The following STT3B variants were observed in gnomAD, a reference collection of about 807,000 sequenced individuals.
STT3B encodes STT3 oligosaccharyltransferase complex catalytic subunit B, also known as dolichyl-diphosphooligosaccharide--protein glycosyltransferase subunit STT3B.
A neutral mutation model predicts 96.8 loss-of-function variants in STT3B; 29 were observed. The ratio of observed to expected loss-of-function variants is 0.30; its 90% CI spans 0.22 to 0.41. The LOEUF (loss-of-function observed/expected upper bound fraction) is 0.41, where lower values mean the gene tolerates loss of function less well. STT3B is among the 10% of genes least tolerant of loss of function. STT3B has a pLI of 1.00. For missense variants in STT3B, 640 were observed against 1,022.3 expected (o/e 0.63, Z 5.10); for synonymous variants, 367 against 360.0 (o/e 1.02, Z -0.22).
rs773854046 is a variant in STT3B at position 31,533,290 on chromosome 3, A to G, written c.292A>G (p.Ile98Val). 6 of 1,535,582 alleles carry G rather than the reference A, an allele frequency of 3.9e-6. No individual in the cohort carries two copies. In the Admixed American group the frequency reaches 1.2e-4, roughly 30 times the overall value. ...RLFAVIRFES[I>V]IHEFDPWFNY... The stretch of plus-strand genomic sequence containing the variant: ...CTTCGCCGTCATCCGCTTCGAAAGC[A>G]TCATCCACGAGTTCGACCCGTGGTA... The change falls in exon 1 of 16, where the codon ATC becomes GTC. Residue 98 changes from isoleucine (I) to valine (V), a missense_variant. Ile to Val is a conservative substitution (Grantham distance 29, BLOSUM62 3). Transcript: ENST00000295770.
At position 31,635,991 on chromosome 3, in the gene STT3B, A is replaced by G; in HGVS notation, c.2408A>G (p.Lys803Arg). 6.2e-7 allele frequency: 1 copy of G among 1,604,072 alleles called. No homozygotes were observed. Among genetic ancestry groups the G allele is most frequent in the Non-Finnish European group, 8.5e-7 (1 of 1,175,942 alleles). Reference sequence around the variant, plus strand: ...TGTTTTGTTTTTTTATAGACTACCAAAAGGAAGCGTGGCTACATTAAAAAT... The same window carrying G: ...TGTTTTGTTTTTTTATAGACTACCAGAAGGAAGCGTGGCTACATTAAAAAT... ...KQKYLSKKTT[K>R]RKRGYIKNKL... Residue 803 changes from lysine (K) to arginine (R), a missense_variant, in exon 16 of 16, where the codon AAA (lysine) becomes AGA (arginine). Physicochemically the swap from Lys to Arg is conservative, Grantham distance 26. Around this residue, in one of 8 missense-constraint regions of STT3B, gnomAD observed 51 missense variants for 64.2 expected, o/e 0.79. Coordinates refer to ENST00000295770, the MANE Select transcript of STT3B (RefSeq NM_178862.3).
chr3:31,543,146 AC>A (rs1208275740), intron 1 of STT3B, among the ~76,000 whole-genome samples: 1 of 151,696 alleles, frequency 6.6e-6, no homozygotes, highest in Non-Finnish European at 1.5e-5. Context: ...TCTGTGTCTT[AC>A]GTGAGAGGTC....
At chr3:31,567,556 T>TC (rs1368992230) in intron 1 of STT3B, among the ~76,000 whole-genome samples, 35 of 152,338 alleles carry the variant, frequency 2.3e-4, no homozygotes, top group African/African-American at 8.2e-4. Flanking sequence ...TAGGCATTTC[T>TC]AATTATTAAT....
chr3:31,546,655 GT>G (rs1424084788), intron 1 of STT3B, among the ~76,000 whole-genome samples: 1 of 152,162 alleles, frequency 6.6e-6, no homozygotes, highest in Non-Finnish European at 1.5e-5. Flanking sequence ...ACCACAATGT[GT>G]TTATCATTTT....
chr3:31,627,549 A>G (rs992679114), intron 13 of STT3B, among the ~76,000 whole-genome samples: 3 of 152,232 alleles, frequency 2.0e-5, no homozygotes, highest in African/African-American at 7.2e-5. Flanking sequence ...ATGAAGGCAC[A>G]AAAGATAAGA....
intron 4 of STT3B, among the ~76,000 whole-genome samples, chr3:31,597,923 C>A (rs1698830496): frequency 6.6e-6 from 1 of 150,706 alleles, no homozygotes; most frequent in Non-Finnish European, 1.5e-5. Context: ...GCAACCTCGG[C>A]CTCCTGGGTT....
At chr3:31,563,876 G>A (rs1697938644) in intron 1 of STT3B, among the ~76,000 whole-genome samples, 1 of 152,056 alleles carries the variant, frequency 6.6e-6, no homozygotes, top group African/African-American at 2.4e-5. Flanking sequence ...CGCGATCTTG[G>A]CTCACTGCAA....
intron 1 of STT3B, among the ~76,000 whole-genome samples, chr3:31,559,149 GTGTGTGTGT>G (rs1697798518): frequency 2.3e-4 from 6 of 26,650 alleles, no homozygotes; most frequent in Admixed American, 3.3e-4. Context: ...TTCTTGGGGT[GTGTGTGTGT>G]GTGTGTGTGT....
chr3:31,563,581 G>C (rs1374690964), intron 1 of STT3B, among the ~76,000 whole-genome samples: 3 of 152,156 alleles, frequency 2.0e-5, no homozygotes, highest in Non-Finnish European at 4.4e-5. Context: ...AGTGAAAGAA[G>C]GCCTTTCTGA....
intron 2 of STT3B, among the ~76,000 whole-genome samples, chr3:31,578,029 G>T (rs1698298289): frequency 6.6e-6 from 1 of 152,052 alleles, no homozygotes; most frequent in Admixed American, 6.6e-5. Context: ...CTGGTTTTAG[G>T]ACAGTTTTAC....
At chr3:31,544,767 C>T (rs141674444) in intron 1 of STT3B, among the ~76,000 whole-genome samples, 1 of 152,152 alleles carries the variant, frequency 6.6e-6, no homozygotes, top group African/African-American at 2.4e-5. Flanking sequence ...TCCAGACTAG[C>T]CAGTTTGAGA....
chr3:31,538,790 G>A (rs1004737365), intron 1 of STT3B, among the ~76,000 whole-genome samples: 6 of 152,112 alleles, frequency 3.9e-5, no homozygotes, highest in African/African-American at 7.2e-5. Context: ...GTCTTCAACC[G>A]TCTATCTACC....
intron 10 of STT3B, among the ~76,000 whole-genome samples, chr3:31,622,609 G>C (rs909412374): frequency 6.6e-6 from 1 of 152,106 alleles, no homozygotes; most frequent in Non-Finnish European, 1.5e-5. Flanking sequence ...AAAACTTTAT[G>C]CTGTACTAAA....
chr3:31,611,888 G>C (rs866118993), intron 5 of STT3B, among the ~76,000 whole-genome samples: 1 of 152,006 alleles, frequency 6.6e-6, no homozygotes, highest in South Asian at 2.1e-4. Flanking sequence ...TTAAAATGTA[G>C]ATTTGTAAAT....
chr3:31,568,265 A>G (rs1229100972), intron 1 of STT3B, among the ~76,000 whole-genome samples: 2 of 152,148 alleles, frequency 1.3e-5, no homozygotes, highest in Non-Finnish European at 2.9e-5. Flanking sequence ...TCATCTGATG[A>G]TAGACACTTA....
At chr3:31,543,527 G>A (rs1380611415) in intron 1 of STT3B, among the ~76,000 whole-genome samples, 2 of 152,142 alleles carry the variant, frequency 1.3e-5, no homozygotes, top group African/African-American at 4.8e-5. Context: ...CACATTTTAT[G>A]TTTTGGTCAT....
intron 13 of STT3B, among the ~76,000 whole-genome samples, chr3:31,626,797 G>T (rs1308674431): frequency 2.0e-5 from 3 of 152,254 alleles, no homozygotes; most frequent in Admixed American, 6.5e-5. Flanking sequence ...CCAGCCTAGG[G>T]ACTGGTACAA....
chr3:31,571,601 T>C (rs1040702113), intron 1 of STT3B, among the ~76,000 whole-genome samples: 6 of 152,128 alleles, frequency 3.9e-5, no homozygotes, highest in African/African-American at 1.4e-4. Flanking sequence ...AGATTGTCTG[T>C]TACCTGTGAT....
intron 15 of STT3B, among the ~76,000 whole-genome samples, chr3:31,633,771 A>G (rs1378708636): frequency 1.3e-5 from 2 of 152,166 alleles, no homozygotes; most frequent in African/African-American, 4.8e-5. Flanking sequence ...AAAGATGGCT[A>G]AAAATTAGTA....
Sources: gnomAD v4.1 joint callset for allele counts (sites outside exome capture counted in the v4.1 genomes callset) on GRCh38, gnomAD v4.1.1 for gene constraint, gnomAD v4.1.1 regional missense constraint, MANE v1.5 for transcripts, NCBI Gene and HGNC (gene_info 2026-07-23, HGNC 2026-07-21) for gene names.